Variants in KLHL8 observed in about 807,000 individuals in gnomAD.
KLHL8 encodes kelch-like protein 8.
Under a neutral mutation model 63.5 loss-of-function variants are expected in KLHL8, and 38 were observed. The observed-to-expected ratio is 0.60, with a 90% CI of 0.46 to 0.78. The LOEUF is 0.78. Ranked by LOEUF, KLHL8 falls within the 30% of genes least tolerant of loss-of-function variation. KLHL8 has a pLI of 0.00. For missense variants in KLHL8, 566 were observed against 752.4 expected (o/e 0.75, Z 2.90); for synonymous variants, 224 against 254.3 (o/e 0.88, Z 1.13).
At position 87,195,646 on chromosome 4, in the gene KLHL8, CG is replaced by C. The variant is rs1731667447; in HGVS notation, c.-108del. On this transcript the variant is annotated 5_prime_UTR_variant, in exon 2 of 10. An upstream open reading frame in the 5' UTR loses its in-frame stop. Transcript: ENST00000273963. Reference sequence around the variant, plus strand: ...GTAGATGTAGACACTACAATTCAGACGTTTTTCAAAACCCACTCAACTGCCA... The same window carrying C: ...GTAGATGTAGACACTACAATTCAGACTTTTTCAAAACCCACTCAACTGCCA... The C allele has an allele frequency of 4.5e-5, 40 of 887,542 alleles. 2 individuals carry two copies. The South Asian group carries it at 6.6e-4, about 15-fold the overall frequency. 55.0% of individuals were successfully genotyped at this position (887,542 alleles called of 1,614,324 possible). A position where few individuals can be genotyped will look rare whatever the true frequency, so the allele number is the denominator to read the frequency against.
At chr4:87,214,531 C>T (rs1014451248) in intron 1 of KLHL8, among the ~76,000 whole-genome samples, 2 of 145,080 alleles carry the variant, frequency 1.4e-5, no homozygotes, top group Admixed American at 7.2e-5. Context: ...AGGTAAAATT[C>T]CTATTTTTTT....
chr4:87,207,819 G>A, intron 1 of KLHL8: 3 of 1,143,844 alleles, frequency 2.6e-6, no homozygotes, highest in Non-Finnish European at 4.0e-6. Context: ...TCATTAACCT[G>A]ACCTGCCATC....
At chr4:87,240,368 G>A (rs1733306676), upstream of KLHL8, 1 of 152,132 alleles carries the variant, frequency 6.6e-6, no homozygotes, top group South Asian at 2.1e-4. Flanking sequence ...ACACCACTTT[G>A]TACTTAGAAA....
intron 1 of KLHL8, among the ~76,000 whole-genome samples, chr4:87,201,380 A>G (rs990141107): frequency 6.6e-6 from 1 of 152,244 alleles, no homozygotes; most frequent in African/African-American, 2.4e-5. Flanking sequence ...AATCTTCAAA[A>G]TACACAAAGC....
At chr4:87,186,837 T>C (rs1164391841) in intron 2 of KLHL8, among the ~76,000 whole-genome samples, 1 of 152,170 alleles carries the variant, frequency 6.6e-6, no homozygotes, top group Non-Finnish European at 1.5e-5. Context: ...GAGTAAGTAC[T>C]ATTATTATCC....
chr4:87,230,879 G>A (rs765368212), intron 1 of KLHL8, among the ~76,000 whole-genome samples: 1 of 152,176 alleles, frequency 6.6e-6, no homozygotes, highest in Non-Finnish European at 1.5e-5. Context: ...AGAACCAGAA[G>A]CCTAGATGTT....
intron 8 of KLHL8, among the ~76,000 whole-genome samples, chr4:87,166,257 CAT>C (rs1730394505): frequency 1.3e-5 from 2 of 152,334 alleles, no homozygotes; most frequent in African/African-American, 2.4e-5. Context: ...CTTTAATACA[CAT>C]GAGCACTGAA....
chr4:87,233,181 C>T (rs890632501), intron 1 of KLHL8, among the ~76,000 whole-genome samples: 1 of 152,062 alleles, frequency 6.6e-6, no homozygotes, highest in South Asian at 2.1e-4. Context: ...GCTGGGATTA[C>T]AGGCACAGGC....
rs190754502 is a variant in KLHL8 at position 87,211,310 on chromosome 4, G to C, written c.-152+9108C>G. Among the ~76,000 whole-genome samples the C allele has an allele frequency of 3.2e-3, 493 of 152,070 alleles. 5 individuals are homozygous for C. The highest frequency in any genetic ancestry group is 0.011 in the African/African-American group (446 of 41,486). The stretch of plus-strand genomic sequence containing the variant: ...TTAAAATTTCCATTTTTACTTTTAA[G>C]TCAGGAAAAAAGTAGGCTATACTCA... On this transcript the variant is annotated intron_variant, in intron 1 of 9. Coordinates refer to ENST00000273963, the MANE Select transcript of KLHL8 (RefSeq NM_020803.5).
intron 1 of KLHL8, among the ~76,000 whole-genome samples, chr4:87,234,464 G>A (rs1366844269): frequency 6.6e-6 from 1 of 151,378 alleles, no homozygotes; most frequent in East Asian, 1.9e-4. Flanking sequence ...TTATAGTGGA[G>A]CTGAAAAATT....
At chr4:87,170,676 T>A in intron 6 of KLHL8, 61 bp from the exon 7 acceptor site, 1 of 1,438,400 alleles carries the variant, frequency 7.0e-7, no homozygotes, top group Non-Finnish European at 9.5e-7. Flanking sequence ...AAAAGTCATA[T>A]AAAAAATTGT....
intron 1 of KLHL8, among the ~76,000 whole-genome samples, chr4:87,233,149 C>G (rs1182241869): frequency 6.6e-6 from 1 of 151,986 alleles, no homozygotes; most frequent in Non-Finnish European, 1.5e-5. Flanking sequence ...AAGCAATTCT[C>G]CTTGCCTCAG....
At chr4:87,226,517 G>C (rs1456015978) in intron 1 of KLHL8, among the ~76,000 whole-genome samples, 2 of 143,166 alleles carry the variant, frequency 1.4e-5, no homozygotes, top group African/African-American at 5.2e-5. Flanking sequence ...AGCTGAGATC[G>C]CGCCACTGCA....
At position 87,226,676 on chromosome 4, in the gene KLHL8, T is replaced by C. The variant is rs1287281424; in HGVS notation, n.58-5286A>G. Among the ~76,000 whole-genome samples, 6 of 16,734 alleles carry C rather than the reference T, an allele frequency of 3.6e-4. 1 individual carries two copies. The highest frequency in any genetic ancestry group is 2.6e-3 in the African/African-American group (6 of 2,334). 11.0% of individuals were successfully genotyped at this position (16,734 alleles called of 152,430 possible). ...TATTACTTATATATAATATATATTA[T>C]TTATATATAATATATATATTATTTA... On this transcript the variant is annotated intron_variant and non_coding_transcript_variant, in intron 1 of 1. Coordinates refer to the KLHL8 transcript ENST00000506274.
chr4:87,167,566 G>C, intron 8 of KLHL8: 1 of 530,708 alleles, frequency 1.9e-6, no homozygotes, highest in South Asian at 1.4e-5. Context: ...CTCTGGGGCT[G>C]TTATGCTAAG....
chr4:87,207,418 T>C (rs952415489), intron 1 of KLHL8: 2 of 690,986 alleles, frequency 2.9e-6, no homozygotes, highest in South Asian at 1.5e-5. Flanking sequence ...TGGAGCTCAC[T>C]TGCAGGAAGG....
intron 6 of KLHL8, among the ~76,000 whole-genome samples, chr4:87,172,101 C>T (rs1053056483): frequency 1.3e-5 from 2 of 152,096 alleles, no homozygotes; most frequent in African/African-American, 4.8e-5. Flanking sequence ...CTTGGCGGGC[C>T]TAATCTAATC....
upstream of KLHL8, among the ~76,000 whole-genome samples, chr4:87,223,181 C>G (rs189094307): frequency 2.9e-3 from 424 of 145,906 alleles, 4 homozygotes; most frequent in African/African-American, 0.01. Context: ...CCATGTTGCC[C>G]AGGCTGGTTG....
chr4:87,206,578 G>C (rs929542618), intron 1 of KLHL8, among the ~76,000 whole-genome samples: 5 of 152,186 alleles, frequency 3.3e-5, no homozygotes, highest in African/African-American at 1.2e-4. Context: ...ACTTGCCCAA[G>C]GCCACACAGT....
Sources: allele counts gnomAD v4.1 joint callset (sites outside exome capture counted in the v4.1 genomes callset), GRCh38; gene constraint gnomAD v4.1.1; transcripts MANE v1.5; gene names NCBI Gene and HGNC (gene_info 2026-07-23, HGNC 2026-07-21).